RNF103: variants seen among roughly 807,000 people sequenced by gnomAD.
The protein encoded by RNF103 is E3 ubiquitin-protein ligase RNF103.
Under a neutral mutation model 66.2 loss-of-function variants are expected in RNF103, and 23 were observed. The observed-to-expected ratio is 0.35, with a 90% CI of 0.25 to 0.49. RNF103 has a LOEUF of 0.49. RNF103 is among the 20% of genes least tolerant of loss of function. The pLI is 0.98. For missense variants in RNF103, 730 were observed against 814.7 expected (o/e 0.90, Z 1.27); for synonymous variants, 297 against 289.9 (o/e 1.02, Z -0.25).
At chr2:86,620,552 TAAG>T (rs1036008520) in intron 1 of RNF103, 83 bp from the exon 2 acceptor site, 1 of 1,384,322 alleles carries the variant, frequency 7.2e-7, no homozygotes, top group Admixed American at 2.3e-5. Flanking sequence ...TTTACACTGT[TAAG>T]AATCATGATA....
Position 86,622,868 on chromosome 2 carries a change from A to G in RNF103, c.19T>C (p.Phe7Leu). MWLKLF[F>L]LLLYFLVLFV... ...AGGACCAGGAAATAGAGGAGCAAGA[A>G]AAAAAGCTTCAGCCACATCTTCCCT... Residue 7 changes from phenylalanine (F) to leucine (L), a missense_variant, in exon 1 of 4, where the codon TTC becomes CTC. Phe to Leu is a conservative substitution (Grantham distance 22). This residue lies in a region of RNF103 where 327 missense variants were observed against 369.8 expected (regional missense o/e 0.88). Coordinates refer to ENST00000237455, the MANE Select transcript of RNF103 (RefSeq NM_005667.4). 1.9e-6 allele frequency: 3 copies of G among 1,610,046 alleles called. No homozygotes were observed. The highest frequency in any genetic ancestry group is 2.5e-6 in the Non-Finnish European group (3 of 1,178,036).
chr2:86,616,735 T>G, intron 2 of RNF103: 1 of 985,448 alleles, frequency 1.0e-6, no homozygotes, highest in Non-Finnish European at 1.2e-6. Flanking sequence ...TTCCAGTGAC[T>G]TTAAATTCCA....
chr2:86,623,747 C>G lies in RNF103; in HGVS notation c.-861G>C, dbSNP rs562724092. 6 of 1,274,904 alleles carry G rather than the reference C, an allele frequency of 4.7e-6. No individual in the cohort carries two copies. In the South Asian group the frequency reaches 7.5e-5, roughly 16 times the overall value. The allele number at this position is 1,274,904 out of a possible 1,614,324, so 79.0% of individuals were successfully genotyped here. ...CCGGCCACTCAGCGCCCGTCCCGCTCGGATGGGCAGTGCCGGTCGCAGCAC... is the reference window on the plus strand; with the variant it reads ...CCGGCCACTCAGCGCCCGTCCCGCTGGGATGGGCAGTGCCGGTCGCAGCAC... On this transcript the variant is annotated 5_prime_UTR_variant, in exon 1 of 4. Transcript: ENST00000237455.
Position 86,623,026 on chromosome 2 carries a change from G to A in RNF103, c.-140C>T. 7.4e-7 allele frequency: 1 copy of A among 1,354,376 alleles called. No homozygotes were observed. The highest frequency in any genetic ancestry group is 9.4e-7 in the Non-Finnish European group (1 of 1,059,646). The allele number at this position is 1,354,376 out of a possible 1,614,324, so 83.9% of individuals were successfully genotyped here. A position where few individuals can be genotyped will look rare whatever the true frequency, so the allele number is the denominator to read the frequency against. ...GGCCACCCGGCGCCGTCACTGGCCG[G>A]CCATCCCCGGCGGGGAAGCAGGTGA... On this transcript the variant is annotated 5_prime_UTR_variant, in exon 1 of 4. Coordinates refer to ENST00000237455, the MANE Select transcript of RNF103 (RefSeq NM_005667.4).
rs1357086895 is a variant in RNF103, at chr2:86,623,803, A to C, written c.-917T>G. 4 of 1,282,304 alleles carry C rather than the reference A, an allele frequency of 3.1e-6. No individual in the cohort carries two copies. Among genetic ancestry groups the C allele is most frequent in the African/African-American group, 1.6e-5 (1 of 64,140 alleles). 79.4% of individuals were successfully genotyped at this position (1,282,304 alleles called of 1,614,324 possible). A position where few individuals can be genotyped will look rare whatever the true frequency, so the allele number is the denominator to read the frequency against. Reference sequence around the variant, plus strand: ...CCCAACACCCCCGCCACCTCCGGAGACCGCGGCCGTACCCTCCACAACCGT... The same window carrying C: ...CCCAACACCCCCGCCACCTCCGGAGCCCGCGGCCGTACCCTCCACAACCGT... On this transcript the variant is annotated 5_prime_UTR_variant, in exon 1 of 4. Transcript: ENST00000237455.
intron 2 of RNF103, chr2:86,616,959 C>T (rs2104251809): frequency 1.0e-6 from 1 of 985,370 alleles, no homozygotes; most frequent in South Asian, 4.7e-5. Context: ...ATTTGTAATG[C>T]TATGAAGACT....
chr2:86,604,416 G>A lies in RNF103; in HGVS notation c.1485C>T (p.Phe495=). The A allele has an allele frequency of 1.2e-6, 2 of 1,614,224 alleles. No individual in the cohort carries two copies. The change falls in exon 4 of 4, where the codon TTC becomes TTT. Residue 495 remains phenylalanine (F), a synonymous_variant. Coordinates refer to ENST00000237455, the MANE Select transcript of RNF103 (RefSeq NM_005667.4). ...DPDLFLERLA[F]PDLWLHPLIP... is the part of the protein sequence containing the mutation. ...TCAGAGGGTGAAGCCAAAGGTCAGGGAAAGCTAAGCGCTCCAAGAATAAGT... is the reference window on the plus strand; with the variant it reads ...TCAGAGGGTGAAGCCAAAGGTCAGGAAAAGCTAAGCGCTCCAAGAATAAGT...
intron 2 of RNF103, among the ~76,000 whole-genome samples, chr2:86,615,691 C>T (rs1470356231): frequency 2.0e-5 from 3 of 151,944 alleles, no homozygotes; most frequent in African/African-American, 7.3e-5. Flanking sequence ...GGAAGGAACA[C>T]TGTATGTGGG....
intron 1 of RNF103, among the ~76,000 whole-genome samples, chr2:86,621,815 A>G (rs1242170387): frequency 6.6e-6 from 1 of 152,246 alleles, no homozygotes; most frequent in African/African-American, 2.4e-5. Flanking sequence ...ACTTTCAGGA[A>G]GTATATCCAA....
chr2:86,614,047 G>A (rs534326573), intron 2 of RNF103: 317 of 152,046 alleles, frequency 2.1e-3, no homozygotes, highest in Middle Eastern at 0.01. Flanking sequence ...CTTCTGCCTC[G>A]GCCTCCCAAG....
chr2:86,615,313 T>C, intron 2 of RNF103: 1 of 778,874 alleles, frequency 1.3e-6, no homozygotes, highest in Non-Finnish European at 1.6e-6. Context: ...TATATTACTT[T>C]ATAGTTATAT....
intron 2 of RNF103, among the ~76,000 whole-genome samples, chr2:86,619,205 C>T (rs565903312): frequency 6.6e-6 from 1 of 152,244 alleles, no homozygotes; most frequent in South Asian, 2.1e-4. Context: ...GTGACAGTAC[C>T]AGACCTGTAA....
intron 2 of RNF103, among the ~76,000 whole-genome samples, chr2:86,619,070 C>T (rs1679126934): frequency 6.6e-6 from 1 of 152,148 alleles, no homozygotes; most frequent in Admixed American, 6.5e-5. Context: ...TGGAAGAATT[C>T]CCAAACCTCA....
intron 2 of RNF103, chr2:86,613,906 T>G (rs1357622319): frequency 6.6e-6 from 1 of 152,200 alleles, no homozygotes; most frequent in African/African-American, 2.4e-5. Flanking sequence ...ATACACAATT[T>G]AGGGCATTAA....
chr2:86,605,574 G>T, intron 3 of RNF103, 156 bp from the exon 4 acceptor site: 40 of 629,708 alleles, frequency 6.4e-5, no homozygotes, highest in South Asian at 2.0e-4. Flanking sequence ...AACAAGCTCT[G>T]TTTTTCTAGT....
At chr2:86,613,598 C>G (rs530968984) in intron 2 of RNF103, 1 of 152,282 alleles carries the variant, frequency 6.6e-6, no homozygotes, top group South Asian at 2.1e-4. Context: ...CATTTTCACA[C>G]TCACAAAGCC....
chr2:86,622,814 T>C lies in RNF103; in HGVS notation c.73A>G (p.Ile25Val). The change falls in exon 1 of 4, where the codon ATT (isoleucine) becomes GTT (valine). Residue 25 changes from isoleucine (I) to valine (V), a missense_variant. Around this residue, in one of 3 missense-constraint regions of RNF103, gnomAD observed 327 missense variants for 369.8 expected, o/e 0.88. Transcript: ENST00000237455. ...AAGATGCCAGTTTCATACCACACAA[T>C]GGCCTCAAAAAACCTGGCCAGGACG... ...LFVLARFFEAIVWYETGIFAT... is the reference protein window; with the variant it reads ...LFVLARFFEAVVWYETGIFAT... 2 of 1,613,972 alleles carry C rather than the reference T, an allele frequency of 1.2e-6. No homozygotes were observed. The highest frequency in any genetic ancestry group is 1.7e-6 in the Non-Finnish European group (2 of 1,179,988).
intron 2 of RNF103, chr2:86,614,663 G>T: frequency 1.5e-6 from 1 of 665,856 alleles, no homozygotes; most frequent in Non-Finnish European, 1.9e-6. Flanking sequence ...CAAAGCAGGC[G>T]CCTATTGCCT....
intron 2 of RNF103, among the ~76,000 whole-genome samples, chr2:86,619,243 T>C (rs1372563767): frequency 6.6e-6 from 1 of 152,232 alleles, no homozygotes; most frequent in African/African-American, 2.4e-5. Flanking sequence ...CTGCAACTAA[T>C]GTCTCTGAAC....
Sources: gnomAD v4.1 joint callset for allele counts (sites outside exome capture counted in the v4.1 genomes callset) on GRCh38, gnomAD v4.1.1 for gene constraint, gnomAD v4.1.1 regional missense constraint, MANE v1.5 for transcripts, NCBI Gene and HGNC (gene_info 2026-07-23, HGNC 2026-07-21) for gene names.